The following PRR16 variants were observed in gnomAD, a reference collection of about 807,000 sequenced individuals.
The protein encoded by PRR16 is protein Largen.
PRR16 carries 6 observed loss-of-function variants against 18.2 expected under a neutral mutation model. The observed-to-expected ratio is 0.33, with a 90% CI of 0.18 to 0.65. The LOEUF is 0.65. Among genes scored for constraint, PRR16 ranks in the 30% least tolerant of loss-of-function variants. The pLI, the probability that PRR16 is intolerant of heterozygous loss-of-function variation, is 0.74. For missense variants in PRR16, 412 were observed against 376.6 expected, an observed-to-expected ratio of 1.09 and a Z score of -0.78; for synonymous variants, 151 against 147.8, an observed-to-expected ratio of 1.02 and a Z score of -0.16.
chr5:120,472,822 G>A (rs1350712654), intron 1 of PRR16, among the ~76,000 whole-genome samples: 3 of 152,096 alleles, frequency 2.0e-5, no homozygotes, highest in Non-Finnish European at 4.4e-5. Context: ...CTTTGCAAAA[G>A]CTGTAGAATG....
chr5:120,558,525 AC>A (rs1477865547), intron 1 of PRR16, among the ~76,000 whole-genome samples: 4 of 151,900 alleles, frequency 2.6e-5, no homozygotes, highest in African/African-American at 9.7e-5. Flanking sequence ...TATAAGTACC[AC>A]CTTTTCTTTA....
the PRR16 span, among the ~76,000 whole-genome samples, chr5:120,778,924 G>C: frequency 6.6e-6 from 1 of 152,090 alleles, no homozygotes; most frequent in Admixed American, 6.6e-5. Context: ...CTTGTTTCAA[G>C]TAATAAATTA....
At chr5:120,782,710 C>A in the PRR16 span, among the ~76,000 whole-genome samples, 47 of 152,042 alleles carry the variant, frequency 3.1e-4, no homozygotes, top group Non-Finnish European at 6.0e-4. Flanking sequence ...AAAGAAAGAG[C>A]TTTTATCCTG....
intron 1 of PRR16, among the ~76,000 whole-genome samples, chr5:120,649,471 A>G (rs1263172701): frequency 6.6e-6 from 1 of 152,162 alleles, no homozygotes; most frequent in African/African-American, 2.4e-5. Context: ...ACTATTGACT[A>G]TACAGGGTTT....
At chr5:120,626,596 G>T (rs1754872955) in intron 1 of PRR16, among the ~76,000 whole-genome samples, 2 of 152,076 alleles carry the variant, frequency 1.3e-5, no homozygotes, top group Non-Finnish European at 2.9e-5. Flanking sequence ...TTAAATGGAA[G>T]AATTTTATCA....
intron 1 of PRR16, among the ~76,000 whole-genome samples, chr5:120,669,521 G>T (rs769794381): frequency 6.6e-6 from 1 of 151,896 alleles, no homozygotes; most frequent in African/African-American, 2.4e-5. Flanking sequence ...AGAATATTTA[G>T]ATATTATCCT....
At chr5:120,597,299 A>G (rs1753846297) in intron 1 of PRR16, among the ~76,000 whole-genome samples, 1 of 151,604 alleles carries the variant, frequency 6.6e-6, no homozygotes, top group African/African-American at 2.4e-5. Flanking sequence ...AATTTTCACC[A>G]TTGCTATGCT....
intron 1 of PRR16, among the ~76,000 whole-genome samples, chr5:120,504,857 C>T (rs893484435): frequency 2.6e-5 from 4 of 152,214 alleles, no homozygotes; most frequent in East Asian, 1.9e-4. Flanking sequence ...TCCAATAAAT[C>T]CCCCAAGGCC....
At chr5:120,747,312 C>A in the PRR16 span, among the ~76,000 whole-genome samples, 4,568 of 152,236 alleles carry the variant, frequency 0.03, 114 homozygotes, top group Non-Finnish European at 0.042. Context: ...TTCATACATT[C>A]AAGTTTTATT....
At chr5:120,653,961 T>A (rs1755878524) in intron 1 of PRR16, among the ~76,000 whole-genome samples, 1 of 152,038 alleles carries the variant, frequency 6.6e-6, no homozygotes, top group Non-Finnish European at 1.5e-5. Context: ...CTTAACAAAT[T>A]ACTGATTCTT....
intron 1 of PRR16, among the ~76,000 whole-genome samples, chr5:120,503,859 A>G (rs1166294063): frequency 6.7e-6 from 1 of 149,884 alleles, no homozygotes; most frequent in Non-Finnish European, 1.5e-5. Flanking sequence ...CTCGTTGTTC[A>G]ATTCCCACCT....
At chr5:120,790,045 C>CTAAT in the PRR16 span, 7 of 152,206 alleles carry the variant, frequency 4.6e-5, no homozygotes, top group Admixed American at 4.6e-4. Flanking sequence ...GAGGACAGAT[C>CTAAT]TAATTCTAAA....
the PRR16 span, among the ~76,000 whole-genome samples, chr5:120,770,653 A>G: frequency 3.9e-5 from 6 of 152,024 alleles, no homozygotes; most frequent in African/African-American, 1.4e-4. Context: ...AATGAGAGAA[A>G]ATACTTGCAA....
the PRR16 span, among the ~76,000 whole-genome samples, chr5:120,765,370 G>A: frequency 6.6e-6 from 1 of 151,978 alleles, no homozygotes; most frequent in East Asian, 1.9e-4. Flanking sequence ...AATAACAGTT[G>A]TTGATTTTGG....
At chr5:120,694,263 T>C in the PRR16 span, among the ~76,000 whole-genome samples, 2 of 152,238 alleles carry the variant, frequency 1.3e-5, no homozygotes, top group African/African-American at 4.8e-5. Flanking sequence ...ATCATTTTAC[T>C]TAGATATTTT....
At position 120,603,728 on chromosome 5, in the gene PRR16, G is replaced by A. The variant is rs145964439; in HGVS notation, c.160-82226G>A. On this transcript the variant is annotated intron_variant, in intron 1 of 1. Coordinates refer to ENST00000407149, the MANE Select transcript of PRR16 (RefSeq NM_001300783.2). ...CTTTCCTCATAACACTGCTTTAGCTGTGTATCAGAGACTCTGGTATGTTGC... is the reference window on the plus strand; with the variant it reads ...CTTTCCTCATAACACTGCTTTAGCTATGTATCAGAGACTCTGGTATGTTGC... 7.9e-5 allele frequency among the ~76,000 whole-genome samples: 12 copies of A among 152,080 alleles called. No homozygotes were observed. The East Asian group carries it at 2.3e-3, about 29-fold the overall frequency.
chr5:120,700,257 G>T, the PRR16 span, among the ~76,000 whole-genome samples: 1 of 152,090 alleles, frequency 6.6e-6, no homozygotes, highest in African/African-American at 2.4e-5. Context: ...GAGTTTATAG[G>T]CTTTAAAAGG....
At chr5:120,702,972 C>G in the PRR16 span, among the ~76,000 whole-genome samples, 6 of 152,122 alleles carry the variant, frequency 3.9e-5, no homozygotes, top group Admixed American at 1.3e-4. Flanking sequence ...CATGCACGTC[C>G]GTGTGAAGAG....
the PRR16 span, among the ~76,000 whole-genome samples, chr5:120,747,846 C>T: frequency 3.0e-4 from 46 of 151,898 alleles, no homozygotes; most frequent in Non-Finnish European, 2.9e-4. Flanking sequence ...TTTATGTTTT[C>T]CTTAGATTAC....
Sources: gnomAD v4.1 joint callset for allele counts (sites outside exome capture counted in the v4.1 genomes callset) on GRCh38, gnomAD v4.1.1 for gene constraint, MANE v1.5 for transcripts, NCBI Gene and HGNC (gene_info 2026-07-23, HGNC 2026-07-21) for gene names.